Variants in FKRP observed in about 807,000 individuals in gnomAD.
FKRP encodes ribitol 5-phosphate transferase FKRP.
FKRP carries 25 observed loss-of-function variants against 30.6 expected under a neutral mutation model. The ratio of observed to expected loss-of-function variants is 0.82; its 90% CI spans 0.60 to 1.14. The LOEUF is 1.14. Among genes scored for constraint, FKRP ranks in the 50% most tolerant of loss-of-function variants. FKRP has a pLI of 0.00. For synonymous variants in FKRP, 358 were observed against 342.5 expected (o/e 1.05, Z -0.50); for missense variants, 771 against 727.8 (o/e 1.06, Z -0.68).
Position 46,746,092 on chromosome 19 carries a change from T to TGAGGC in FKRP, c.-253+3_-253+7dup. 2 of 1,115,860 alleles carry TGAGGC rather than the reference T, an allele frequency of 1.8e-6. No individual in the cohort carries two copies. The highest frequency in any genetic ancestry group is 2.3e-6 in the Non-Finnish European group (2 of 886,910). The allele number at this position is 1,115,860 out of a possible 1,614,324, so 69.1% of individuals were successfully genotyped here. A position where few individuals can be genotyped will look rare whatever the true frequency, so the allele number is the denominator to read the frequency against. On this transcript the variant is annotated splice_region_variant and intron_variant, in intron 1 of 3. Coordinates refer to ENST00000318584, the MANE Select transcript of FKRP (RefSeq NM_024301.5). ...AGATGGCGGCGGCGGCGGCAGCGGG[T>TGAGGC]GAGGCCGGGCCGGGCCGGGCCGGGT...
In FKRP at chr19:46,756,063, C is replaced by T. The variant is rs753297636; in HGVS notation, c.613C>T (p.Arg205Cys). 1 of 1,572,822 alleles carries T rather than the reference C, an allele frequency of 6.4e-7. No individual in the cohort carries two copies. Among genetic ancestry groups the T allele is most frequent in the Middle Eastern group, 1.7e-4 (1 of 5,986 alleles). The change falls in exon 4 of 4, where the codon CGC (arginine) becomes TGC (cysteine). Residue 205 changes from arginine to cysteine, a missense_variant. By Grantham distance (180) the Arg-to-Cys change is radical. Coordinates refer to ENST00000318584, the MANE Select transcript of FKRP (RefSeq NM_024301.5). This position sits in a 1 kb window ranked among gnomAD's most constrained non-coding sequence, Gnocchi z 6.6. ...DGDAVVLLRARDLFNLSAPLA... is the reference protein window; with the variant it reads ...DGDAVVLLRACDLFNLSAPLA... Reference sequence around the variant, plus strand: ...AGATGCTGTGGTGCTCCTGCGCGCCCGCGACCTCTTCAACCTCTCGGCGCC... The same window carrying T: ...AGATGCTGTGGTGCTCCTGCGCGCCTGCGACCTCTTCAACCTCTCGGCGCC...
chr19:46,756,899 C>T lies in FKRP; in HGVS notation c.1449C>T (p.Tyr483=), dbSNP rs772089991. 3 of 1,612,872 alleles carry T rather than the reference C, an allele frequency of 1.9e-6. No individual in the cohort carries two copies. The highest frequency in any genetic ancestry group is 1.7e-6 in the Non-Finnish European group (2 of 1,179,948). ...CCGGGGTCATCGAGAACCCCCAGTA[C>T]CCCAACCCGGCACTGCTGAGTCTGA... is the stretch of plus-strand genomic sequence containing the variant. ...FGPGVIENPQ[Y]PNPALLSLTG... Residue 483 remains tyrosine, a synonymous_variant, in exon 4 of 4, where the codon TAC becomes TAT. Coordinates refer to ENST00000318584, the MANE Select transcript of FKRP (RefSeq NM_024301.5). This position sits in a 1 kb window ranked among gnomAD's most constrained non-coding sequence, Gnocchi z 6.6.
At chr19:46,755,272 A>G in intron 3 of FKRP, 140 bp from the exon 4 acceptor site, 3 of 612,864 alleles carry the variant, frequency 4.9e-6, no homozygotes, top group Middle Eastern at 4.4e-4. Flanking sequence ...TTCCTGGAGA[A>G]GGGGAAGTCA....
Position 46,755,807 on chromosome 19 carries a change from C to T in FKRP, c.357C>T (p.Thr119=). The T allele has an allele frequency of 1.3e-6, 2 of 1,514,736 alleles. No individual in the cohort carries two copies. The highest frequency in any genetic ancestry group is 1.8e-6 in the Non-Finnish European group (2 of 1,134,362). The allele number at this position is 1,514,736 out of a possible 1,614,324, so 93.8% of individuals were successfully genotyped here. ...CAGCCGCAGCCTCGCGCCCGGAGAC[C>T]TACGTGGCCACCGAGTTTGTGGCCC... ...DRPAAASRPE[T]YVATEFVALV... The change falls in exon 4 of 4, where the codon ACC becomes ACT. Residue 119 remains threonine (T), a synonymous_variant. Coordinates refer to ENST00000318584, the MANE Select transcript of FKRP (RefSeq NM_024301.5).
chr19:46,746,422 C>G, intron 1 of FKRP: 3 of 1,033,124 alleles, frequency 2.9e-6, no homozygotes, highest in Non-Finnish European at 3.5e-6. Context: ...CCGCTCGCTC[C>G]TCCATCATGG....
chr19:46,750,044 C>T (rs1568413810), intron 3 of FKRP, among the ~76,000 whole-genome samples: 1 of 152,026 alleles, frequency 6.6e-6, no homozygotes, highest in Non-Finnish European at 1.5e-5. Context: ...GTGATCATAA[C>T]ACGAGGATTA....
chr19:46,749,341 C>T (rs1014624270), intron 3 of FKRP, among the ~76,000 whole-genome samples: 6 of 151,724 alleles, frequency 4.0e-5, no homozygotes, highest in Non-Finnish European at 5.9e-5. Context: ...CTCTTGGGTC[C>T]ACTACTTCAC....
In FKRP at chr19:46,755,995, A is replaced by G. The variant is rs543163491; in HGVS notation, c.545A>G (p.Tyr182Cys). The G allele has an allele frequency of 1.7e-5, 27 of 1,547,724 alleles. No individual in the cohort carries two copies. The East Asian group carries it at 5.1e-4, about 29-fold the overall frequency. The change falls in exon 4 of 4, where the codon TAT becomes TGT. Residue 182 changes from tyrosine to cysteine, a missense_variant. Physicochemically the swap from Tyr to Cys is radical, Grantham distance 194. Coordinates refer to ENST00000318584, the MANE Select transcript of FKRP (RefSeq NM_024301.5). Reference protein sequence around the residue: ...NVSLREWTARYGAAPAAPRCD... With the variant: ...NVSLREWTARCGAAPAAPRCD... The stretch of plus-strand genomic sequence containing the variant: ...AGCCTGCGAGAGTGGACCGCCCGCT[A>G]TGGCGCAGCCCCCGCCGCGCCCCGC...
In FKRP at chr19:46,756,001, C is replaced by G. The variant is rs1489408026; in HGVS notation, c.551C>G (p.Ala184Gly). Residue 184 changes from alanine (A) to glycine (G), a missense_variant, in exon 4 of 4, where the codon GCA becomes GGA. Transcript: ENST00000318584. This position sits in a 1 kb window ranked among gnomAD's most constrained non-coding sequence, Gnocchi z 6.6. ...SLREWTARYG[A>G]APAAPRCDAL... Reference sequence around the variant, plus strand: ...CGAGAGTGGACCGCCCGCTATGGCGCAGCCCCCGCCGCGCCCCGCTGCGAC... The same window carrying G: ...CGAGAGTGGACCGCCCGCTATGGCGGAGCCCCCGCCGCGCCCCGCTGCGAC... The G allele has an allele frequency of 1.3e-6, 2 of 1,548,180 alleles. No individual in the cohort carries two copies. The highest frequency in any genetic ancestry group is 1.7e-6 in the Non-Finnish European group (2 of 1,154,888).
chr19:46,749,202 C>T (rs1255715910), intron 3 of FKRP, among the ~76,000 whole-genome samples: 2 of 151,998 alleles, frequency 1.3e-5, no homozygotes, highest in African/African-American at 2.4e-5. Flanking sequence ...TTTGAAAGCC[C>T]CTGTCAGGTT....
chr19:46,754,882 A>G (rs1599932476), intron 3 of FKRP, among the ~76,000 whole-genome samples: 1 of 152,264 alleles, frequency 6.6e-6, no homozygotes, highest in East Asian at 1.9e-4. Flanking sequence ...ATGGGATTAC[A>G]GGCATAAGCC....
At chr19:46,752,995 G>A (rs1367247842) in intron 3 of FKRP, among the ~76,000 whole-genome samples, 4 of 151,406 alleles carry the variant, frequency 2.6e-5, no homozygotes, top group African/African-American at 7.3e-5. Flanking sequence ...GTGAAAACCC[G>A]TCTCTACTAA....
chr19:46,750,602 T>C (rs2054772546), intron 3 of FKRP, among the ~76,000 whole-genome samples: 1 of 152,176 alleles, frequency 6.6e-6, no homozygotes, highest in African/African-American at 2.4e-5. Flanking sequence ...CACAGCTCAC[T>C]GCAGCCTCCA....
chr19:46,756,443 C>T lies in FKRP; in HGVS notation c.993C>T (p.Gly331=), dbSNP rs2054926305. The T allele has an allele frequency of 1.3e-6, 2 of 1,581,072 alleles. No homozygotes were observed. The highest frequency in any genetic ancestry group is 1.1e-5 in the South Asian group (1 of 87,374). Residue 331 remains glycine (G), a synonymous_variant, in exon 4 of 4, where the codon GGC becomes GGT. Coordinates refer to ENST00000318584, the MANE Select transcript of FKRP (RefSeq NM_024301.5). The surrounding 1 kb of genome is among the most constrained non-coding windows in gnomAD (Gnocchi z 6.6). The part of the protein sequence containing the change: ...ALRETARYVV[G]VLEAAGVRYW... ...GCGAGACCGCCCGCTATGTGGTGGG[C>T]GTGCTGGAGGCTGCGGGCGTGCGCT...
chr19:46,754,511 C>T lies in FKRP; in HGVS notation c.-39-901C>T, dbSNP rs575937288. 1.2e-3 allele frequency among the ~76,000 whole-genome samples: 178 copies of T among 151,094 alleles called. 3 individuals carry two copies. Among genetic ancestry groups the T allele is most frequent in the African/African-American group, 3.9e-3 (161 of 40,912 alleles). On this transcript the variant is annotated intron_variant, in intron 3 of 3. Transcript: ENST00000318584. ...GGTTCAAGTGATCCTCTTGCCTTGG[C>T]CTCCCAAATTGCTGAGATCACAGGC...
Position 46,757,913 on chromosome 19 carries a change from T to G in FKRP, c.*975T>G, listed in dbSNP as rs1438619857. The G allele has an allele frequency of 6.0e-6, 1 of 167,004 alleles. No homozygotes were observed. Among genetic ancestry groups the G allele is most frequent in the African/African-American group, 2.4e-5 (1 of 41,446 alleles). 10.3% of individuals were successfully genotyped at this position (167,004 alleles called of 1,614,324 possible). ...CATGCCAAGACCCCGTCTCTATTTT[T>G]AAAAAAGAAAAAGAACCGACTTCTG... is the stretch of plus-strand genomic sequence containing the variant. On this transcript the variant is annotated 3_prime_UTR_variant, in exon 4 of 4. Coordinates refer to ENST00000318584, the MANE Select transcript of FKRP (RefSeq NM_024301.5).
At chr19:46,746,123 G>T (rs533261221) in intron 1 of FKRP, 33 bp downstream of exon 1, 3 of 1,479,296 alleles carry the variant, frequency 2.0e-6, no homozygotes, top group Non-Finnish European at 2.7e-6. Flanking sequence ...CGGGTTGGGG[G>T]TCGGGGGTCC....
chr19:46,757,301 C>G lies in FKRP; in HGVS notation c.*363C>G, dbSNP rs2054948060. ...TGCCCAAGATTCCGAGAGCCCTGCG[C>G]TCTAGGGCAGGGGCAGAGTTTTGGA... On this transcript the variant is annotated 3_prime_UTR_variant, in exon 4 of 4. Coordinates refer to ENST00000318584, the MANE Select transcript of FKRP (RefSeq NM_024301.5). 2.7e-6 allele frequency: 1 copy of G among 364,820 alleles called. No homozygotes were observed. Among genetic ancestry groups the G allele is most frequent in the Non-Finnish European group, 5.5e-6 (1 of 183,160 alleles). The allele number at this position is 364,820 out of a possible 1,614,324, so 22.6% of individuals were successfully genotyped here.
chr19:46,755,713 A>G lies in FKRP; in HGVS notation c.263A>G (p.Tyr88Cys). ...PVVVAADTLP[Y>C]PPLALPRIPN... ...GTGGTGGCAGCCGACACGCTCCCCT[A>G]CCCGCCCCTGGCCCTGCCCCGCATC... The change falls in exon 4 of 4, where the codon TAC becomes TGC. Residue 88 changes from tyrosine (Y) to cysteine (C), a missense_variant. Coordinates refer to ENST00000318584, the MANE Select transcript of FKRP (RefSeq NM_024301.5). 6.4e-7 allele frequency: 1 copy of G among 1,563,670 alleles called. No homozygotes were observed.
Sources: gnomAD v4.1 joint callset for allele counts (sites outside exome capture counted in the v4.1 genomes callset) on GRCh38, gnomAD v4.1.1 for gene constraint, Gnocchi (gnomAD v3.1) non-coding constraint, MANE v1.5 for transcripts, NCBI Gene and HGNC (gene_info 2026-07-23, HGNC 2026-07-21) for gene names.